Variants in ADCYAP1R1 observed in about 807,000 individuals in gnomAD.
The protein encoded by ADCYAP1R1 is ADCYAP receptor type I.
ADCYAP1R1 carries 44 observed loss-of-function variants against 67.6 expected under a neutral mutation model. That is an observed-to-expected ratio of 0.65 (90% CI 0.51 to 0.84). ADCYAP1R1 has a LOEUF of 0.84. Ranked by LOEUF, ADCYAP1R1 falls within the 40% of genes least tolerant of loss-of-function variation. ADCYAP1R1 has a pLI of 0.00. For missense variants in ADCYAP1R1, 477 were observed against 587.9 expected, an observed-to-expected ratio of 0.81 and a Z score of 1.95; for synonymous variants, 222 against 219.6, an observed-to-expected ratio of 1.01 and a Z score of -0.10.
At chr7:31,096,345 G>A (rs1000710067) in intron 13 of ADCYAP1R1, among the ~76,000 whole-genome samples, 8 of 152,078 alleles carry the variant, frequency 5.3e-5, no homozygotes, top group Admixed American at 3.9e-4. Flanking sequence ...GCAGAAGTGC[G>A]GCCAGGCAGC....
intron 12 of ADCYAP1R1, among the ~76,000 whole-genome samples, chr7:31,090,277 A>G (rs527261643): frequency 1.3e-5 from 2 of 152,268 alleles, no homozygotes; most frequent in East Asian, 3.9e-4. Context: ...CATTTAAAAT[A>G]TTGTGTATGT....
intron 6 of ADCYAP1R1, 147 bp from the exon 7 acceptor site, chr7:31,083,994 A>G (rs2128629595): frequency 1.5e-6 from 1 of 666,768 alleles, no homozygotes; most frequent in Non-Finnish European, 2.7e-6. Context: ...CTGATCAGCA[A>G]TCACTGATTT....
At chr7:31,071,715 A>G (rs758997) in intron 3 of ADCYAP1R1, among the ~76,000 whole-genome samples, 84,923 of 151,898 alleles carry the variant, frequency 0.56, 24,287 homozygotes, top group East Asian at 0.71. Flanking sequence ...CTCTCACTAG[A>G]AAAACCATCC....
At chr7:31,099,906 G>A (rs1030503038) in intron 13 of ADCYAP1R1, among the ~76,000 whole-genome samples, 27 of 152,234 alleles carry the variant, frequency 1.8e-4, no homozygotes, top group South Asian at 1.7e-3. Context: ...GTGTTCGTGC[G>A]TGTGTGCGTG....
intron 14 of ADCYAP1R1, among the ~76,000 whole-genome samples, 193 bp from the exon 15 acceptor site, chr7:31,104,675 C>T (rs906129216): frequency 1.3e-5 from 2 of 152,186 alleles, no homozygotes; most frequent in Non-Finnish European, 2.9e-5. Flanking sequence ...ACTTGACCAC[C>T]AGCCACGTGG....
In ADCYAP1R1 at chr7:31,107,063, G is replaced by C. The variant is rs1303479002; in HGVS notation, c.*379G>C. The C allele has an allele frequency of 5.1e-6, 1 of 195,656 alleles. No homozygotes were observed. The highest frequency in any genetic ancestry group is 1.0e-5 in the Non-Finnish European group (1 of 97,452). 12.1% of individuals were successfully genotyped at this position (195,656 alleles called of 1,614,324 possible). ...CCAGCTGTGAGGCCTTGTGAGCTAAGGCTGAAGAGACCTTGCCTGTGGGAG... is the reference window on the plus strand; with the variant it reads ...CCAGCTGTGAGGCCTTGTGAGCTAACGCTGAAGAGACCTTGCCTGTGGGAG... On this transcript the variant is annotated 3_prime_UTR_variant, in exon 16 of 16. Transcript: ENST00000304166.
Position 31,080,631 on chromosome 7 carries a change from T to A in ADCYAP1R1, c.284T>A (p.Ile95Asn), listed in dbSNP as rs1795477509. 4 of 1,613,884 alleles carry A rather than the reference T, an allele frequency of 2.5e-6. No individual in the cohort carries two copies. Among genetic ancestry groups the A allele is most frequent in the Non-Finnish European group, 3.4e-6 (4 of 1,179,982 alleles). The change falls in exon 5 of 16, where the codon ATT (isoleucine) becomes AAT (asparagine). Residue 95 changes from isoleucine to asparagine, a missense_variant and splice_region_variant. Physicochemically the swap from Ile to Asn is moderately radical, Grantham distance 149. Coordinates refer to ENST00000304166, the MANE Select transcript of ADCYAP1R1 (RefSeq NM_001118.5). The stretch of plus-strand genomic sequence containing the variant: ...GTTTCAGTCTGGGAGACCGAAACCA[T>A]TGGTAAGAGGAACCTTGGTGAGGAT... ...NPDQVWETET[I>N]GESDFGDSNS...
intron 12 of ADCYAP1R1, among the ~76,000 whole-genome samples, chr7:31,088,553 T>C (rs1795843271): frequency 6.6e-6 from 1 of 152,252 alleles, no homozygotes; most frequent in African/African-American, 2.4e-5. Context: ...TTGTTTTGTC[T>C]GGTCTGAAAT....
At chr7:31,084,572 G>A (rs944076570) in intron 7 of ADCYAP1R1, among the ~76,000 whole-genome samples, 165 bp from the exon 8 acceptor site, 4 of 152,196 alleles carry the variant, frequency 2.6e-5, no homozygotes, top group African/African-American at 9.7e-5. Flanking sequence ...AAGAGGCTTG[G>A]CCAGGGGTGG....
chr7:31,076,642 C>G (rs1028295258), intron 3 of ADCYAP1R1, among the ~76,000 whole-genome samples: 1 of 152,178 alleles, frequency 6.6e-6, no homozygotes, highest in African/African-American at 2.4e-5. Flanking sequence ...GGTTCCGGGT[C>G]CTTTCACAAT....
In ADCYAP1R1 at chr7:31,103,303, C is replaced by T. The variant is rs1796509893; in HGVS notation, c.1113C>T (p.Phe371=). 1 of 1,614,104 alleles carries T rather than the reference C, an allele frequency of 6.2e-7. No individual in the cohort carries two copies. The highest frequency in any genetic ancestry group is 8.5e-7 in the Non-Finnish European group (1 of 1,180,038). Residue 371 remains phenylalanine, a synonymous_variant, in exon 14 of 16, where the codon TTC becomes TTT. Coordinates refer to ENST00000304166, the MANE Select transcript of ADCYAP1R1 (RefSeq NM_001118.5). ...GAATCCACTACACAGTATTTGCCTT[C>T]TCCCCAGAGAATGTCAGCAAAAGGG... The part of the protein sequence containing the change: ...LFGIHYTVFA[F]SPENVSKRER...
At chr7:31,057,638 G>GTCT (rs76758397) in intron 1 of ADCYAP1R1, among the ~76,000 whole-genome samples, 46,933 of 152,064 alleles carry the variant, frequency 0.31, 7,469 homozygotes, top group Middle Eastern at 0.35. Flanking sequence ...ATCAGCTCTG[G>GTCT]TCTTGAGGAG....
At chr7:31,101,111 C>T (rs977791240) in intron 13 of ADCYAP1R1, among the ~76,000 whole-genome samples, 5 of 152,222 alleles carry the variant, frequency 3.3e-5, no homozygotes, top group Admixed American at 6.5e-5. Flanking sequence ...GCCCCATTTG[C>T]CAAAGTGGCC....
chr7:31,074,631 G>A lies in ADCYAP1R1; in HGVS notation c.158-3360G>A, dbSNP rs60199360. Reference sequence around the variant, plus strand: ...CTGTTGGCTGGGGCATGGGCCAGACGCAGCCATGCTCCACGGCCGTTCCAC... The same window carrying A: ...CTGTTGGCTGGGGCATGGGCCAGACACAGCCATGCTCCACGGCCGTTCCAC... On this transcript the variant is annotated intron_variant, in intron 3 of 15. Coordinates refer to ENST00000304166, the MANE Select transcript of ADCYAP1R1 (RefSeq NM_001118.5). Among the ~76,000 whole-genome samples, 817 of 152,320 alleles carry A rather than the reference G, an allele frequency of 5.4e-3. 5 individuals carry two copies. Among genetic ancestry groups the A allele is most frequent in the African/African-American group, 0.018 (757 of 41,580 alleles).
At chr7:31,054,173 A>C (rs569869629) in intron 1 of ADCYAP1R1, among the ~76,000 whole-genome samples, 7 of 152,160 alleles carry the variant, frequency 4.6e-5, no homozygotes, top group Admixed American at 1.3e-4. Flanking sequence ...CAGCTCTTCC[A>C]ACTGATCCAT....
At chr7:31,094,120 A>C (rs1796086558) in intron 13 of ADCYAP1R1, among the ~76,000 whole-genome samples, 1 of 152,150 alleles carries the variant, frequency 6.6e-6, no homozygotes, top group Non-Finnish European at 1.5e-5. Context: ...CATTGGAAAA[A>C]GTGCTTTTTT....
At chr7:31,059,948 G>A (rs970661177) in intron 1 of ADCYAP1R1, among the ~76,000 whole-genome samples, 6 of 152,044 alleles carry the variant, frequency 3.9e-5, no homozygotes, top group African/African-American at 1.2e-4. Context: ...GACTGTAATG[G>A]GTGTGGGGAC....
chr7:31,063,500 G>C (rs1471315675), intron 2 of ADCYAP1R1, among the ~76,000 whole-genome samples, 185 bp downstream of exon 2: 2 of 152,226 alleles, frequency 1.3e-5, no homozygotes, highest in Non-Finnish European at 2.9e-5. Context: ...TCAAGACCCT[G>C]TACTGATTTG....
intron 13 of ADCYAP1R1, among the ~76,000 whole-genome samples, chr7:31,099,476 T>A (rs548672476): frequency 6.6e-6 from 1 of 152,210 alleles, no homozygotes; most frequent in African/African-American, 2.4e-5. Flanking sequence ...GGCTATCATA[T>A]TGGAATAGTT....
Sources: allele counts gnomAD v4.1 joint callset (sites outside exome capture counted in the v4.1 genomes callset), GRCh38; gene constraint gnomAD v4.1.1; transcripts MANE v1.5; gene names NCBI Gene and HGNC (gene_info 2026-07-23, HGNC 2026-07-21).